Variants in CNTN5 observed in about 807,000 individuals in gnomAD.
CNTN5 encodes the protein contactin-5.
A neutral mutation model predicts 129.1 loss-of-function variants in CNTN5; 77 were observed. That is an observed-to-expected ratio of 0.60 (90% CI 0.50 to 0.72). The LOEUF is 0.72. Ranked by LOEUF, CNTN5 falls within the 30% of genes least tolerant of loss-of-function variation. CNTN5 has a pLI of 0.00. For synonymous variants in CNTN5, 509 were observed against 465.6 expected (o/e 1.09, Z -1.20); for missense variants, 1,478 against 1,328.8 (o/e 1.11, Z -1.75).
At chr11:99,590,680 G>T (rs1410896289) in intron 3 of CNTN5, among the ~76,000 whole-genome samples, 2 of 152,120 alleles carry the variant, frequency 1.3e-5, no homozygotes, top group Admixed American at 6.6e-5. Flanking sequence ...CAAAGGCTAT[G>T]GCAGGAAAGA....
intron 13 of CNTN5, among the ~76,000 whole-genome samples, chr11:100,180,114 A>G (rs1166678594): frequency 2.0e-5 from 3 of 152,040 alleles, no homozygotes; most frequent in African/African-American, 7.2e-5. Context: ...AGAAAATACA[A>G]TTATAGGCAA....
intron 1 of CNTN5, among the ~76,000 whole-genome samples, chr11:99,261,794 T>C (rs1268014403): frequency 6.6e-6 from 1 of 152,068 alleles, no homozygotes; most frequent in East Asian, 1.9e-4. Flanking sequence ...ACACAAAGCA[T>C]GTACTTTTAT....
chr11:99,487,586 G>A (rs1945866953), intron 2 of CNTN5, among the ~76,000 whole-genome samples: 1 of 152,176 alleles, frequency 6.6e-6, no homozygotes, highest in African/African-American at 2.4e-5. Flanking sequence ...CTCATGAAGA[G>A]TTCTTCTTAT....
intron 3 of CNTN5, among the ~76,000 whole-genome samples, chr11:99,650,600 G>A (rs973387834): frequency 4.0e-5 from 6 of 151,710 alleles, no homozygotes; most frequent in African/African-American, 1.5e-4. Context: ...TGTGATAAAA[G>A]TTTTCTTAGT....
chr11:99,780,757 G>T (rs1322320271), intron 3 of CNTN5, among the ~76,000 whole-genome samples: 1 of 151,954 alleles, frequency 6.6e-6, no homozygotes, highest in South Asian at 2.1e-4. Flanking sequence ...AAATTGTGTG[G>T]TTTTTTGTTT....
chr11:100,277,562 C>T (rs909362699), intron 18 of CNTN5, among the ~76,000 whole-genome samples: 5 of 151,952 alleles, frequency 3.3e-5, no homozygotes, highest in South Asian at 2.1e-4. Context: ...TTTGCATTCC[C>T]CTGATGATCA....
At chr11:99,841,017 T>TC (rs991999740) in intron 4 of CNTN5, among the ~76,000 whole-genome samples, 3 of 151,948 alleles carry the variant, frequency 2.0e-5, no homozygotes, top group East Asian at 3.9e-4. Context: ...ATGTTTCTTT[T>TC]CCCCCCCTTA....
chr11:99,074,431 A>G (rs1865476956), intron 1 of CNTN5, among the ~76,000 whole-genome samples: 2 of 152,120 alleles, frequency 1.3e-5, no homozygotes, highest in African/African-American at 4.8e-5. Context: ...CTAGAACTGT[A>G]GAAACCCTAG....
chr11:99,415,828 G>T (rs557117970), intron 2 of CNTN5, among the ~76,000 whole-genome samples: 1 of 152,262 alleles, frequency 6.6e-6, no homozygotes, highest in East Asian at 1.9e-4. Flanking sequence ...CAACACTTTA[G>T]AATGGTAGAG....
chr11:99,564,524 G>A (rs558778848), intron 3 of CNTN5, among the ~76,000 whole-genome samples: 1 of 151,976 alleles, frequency 6.6e-6, no homozygotes, highest in Non-Finnish European at 1.5e-5. Flanking sequence ...AAACAAAAAA[G>A]AACTTTAAAA....
At chr11:99,698,929 A>G (rs1272139810) in intron 3 of CNTN5, among the ~76,000 whole-genome samples, 12 of 140,898 alleles carry the variant, frequency 8.5e-5, no homozygotes, top group African/African-American at 2.6e-4. Flanking sequence ...AAAAAAAAAA[A>G]CTTGATTCTG....
At chr11:99,354,652 G>A (rs1938518076) in intron 2 of CNTN5, among the ~76,000 whole-genome samples, 2 of 151,998 alleles carry the variant, frequency 1.3e-5, no homozygotes, top group African/African-American at 4.8e-5. Flanking sequence ...CCACATTATG[G>A]TGGCTGTTCA....
intron 6 of CNTN5, among the ~76,000 whole-genome samples, chr11:99,890,950 T>C (rs1949043170): frequency 6.6e-6 from 1 of 151,998 alleles, no homozygotes; most frequent in Admixed American, 6.6e-5. Context: ...AATCAGACCA[T>C]TGCCAATTGA....
chr11:99,920,132 T>C (rs191339638), intron 7 of CNTN5, among the ~76,000 whole-genome samples: 100 of 152,278 alleles, frequency 6.6e-4, no homozygotes, highest in African/African-American at 1.8e-3. Context: ...TTCCATTTTG[T>C]TTATCCATTT....
At chr11:100,030,347 C>A (rs1941644724) in intron 9 of CNTN5, among the ~76,000 whole-genome samples, 1 of 152,132 alleles carries the variant, frequency 6.6e-6, no homozygotes, top group African/African-American at 2.4e-5. Flanking sequence ...GTCACTGCAG[C>A]CTGGGCAGCA....
chr11:99,074,853 A>G (rs1865495653), intron 1 of CNTN5, among the ~76,000 whole-genome samples: 1 of 152,230 alleles, frequency 6.6e-6, no homozygotes, highest in East Asian at 1.9e-4. Context: ...GCATCACGGC[A>G]CAATGTTCTT....
chr11:100,260,067 AAG>A (rs2138743114), intron 17 of CNTN5, among the ~76,000 whole-genome samples: 1 of 152,290 alleles, frequency 6.6e-6, no homozygotes, highest in African/African-American at 2.4e-5. Context: ...TAAAGAAGAA[AAG>A]AGAGAAGAAT....
chr11:99,939,450 A>G lies in CNTN5; in HGVS notation c.674-17356A>G, dbSNP rs576281285. Among the ~76,000 whole-genome samples the G allele has an allele frequency of 2.0e-5, 3 of 152,194 alleles. No individual in the cohort carries two copies. In the East Asian group the frequency reaches 5.8e-4, roughly 29 times the overall value. ...AATGCATTGATTCAGAATTCTTCAC[A>G]TTATTTGCAAGTCTGTATCTCTACA... On this transcript the variant is annotated intron_variant, in intron 7 of 24. Transcript: ENST00000524871.
At chr11:99,874,462 G>A (rs1159294079) in intron 6 of CNTN5, among the ~76,000 whole-genome samples, 1 of 152,098 alleles carries the variant, frequency 6.6e-6, no homozygotes, top group Non-Finnish European at 1.5e-5. Flanking sequence ...TTTGATGATG[G>A]TGATGAATTC....
Sources: gnomAD v4.1 joint callset for allele counts (sites outside exome capture counted in the v4.1 genomes callset) on GRCh38, gnomAD v4.1.1 for gene constraint, MANE v1.5 for transcripts, NCBI Gene and HGNC (gene_info 2026-07-23, HGNC 2026-07-21) for gene names.